Variants in NIPAL3 observed in about 807,000 individuals in gnomAD.
NIPAL3 encodes NIPA-like protein 3.
In NIPAL3, 41 loss-of-function variants were observed where a neutral mutation model predicts 47.2. That is an observed-to-expected ratio of 0.87 (90% CI 0.68 to 1.13). The LOEUF (loss-of-function observed/expected upper bound fraction) is 1.13. NIPAL3 is among the 50% of genes most tolerant of loss of function. The pLI is 0.00. For missense variants in NIPAL3, 449 were observed against 530.1 expected (o/e 0.85, Z 1.50); for synonymous variants, 194 against 209.6 (o/e 0.93, Z 0.64).
intron 5 of NIPAL3, among the ~76,000 whole-genome samples, chr1:24,446,484 G>A (rs566765244): frequency 6.7e-6 from 1 of 149,826 alleles, no homozygotes; most frequent in Non-Finnish European, 1.5e-5. Flanking sequence ...GTGTCCATGT[G>A]TTCTCATCAT....
In NIPAL3 at chr1:24,432,849, G is replaced by C. The variant is rs143065037; in HGVS notation, c.94-7323G>C. On this transcript the variant is annotated intron_variant, in intron 2 of 11. Coordinates refer to ENST00000374399, the MANE Select transcript of NIPAL3 (RefSeq NM_020448.5). The stretch of plus-strand genomic sequence containing the variant: ...CATCATCTCTAATCTTTACAACAAG[G>C]CTAGTCTGTCAGTTTCCAAAGGCTG... 5.3e-4 allele frequency among the ~76,000 whole-genome samples: 81 copies of C among 152,290 alleles called. No homozygotes were observed. The East Asian group carries it at 0.012, about 23-fold the overall frequency.
chr1:24,439,047 G>T (rs4648862), intron 2 of NIPAL3, among the ~76,000 whole-genome samples: 70,366 of 151,790 alleles, frequency 0.46, 16,909 homozygotes, highest in East Asian at 0.75. Flanking sequence ...CCAAAACGGG[G>T]AGGGGTGGGG....
In NIPAL3 at chr1:24,416,231, A is replaced by G. The variant is rs1277707381; in HGVS notation, c.-258+327A>G. On this transcript the variant is annotated intron_variant, in intron 1 of 11. Coordinates refer to ENST00000374399, the MANE Select transcript of NIPAL3 (RefSeq NM_020448.5). The surrounding 1 kb of genome is among the most constrained non-coding windows in gnomAD (Gnocchi z 4.8). ...GGCGGCAGCAGATGGTGGAGTTAGCAGGTGGGATGAGGGGAGGCGTTCTTG... is the reference window on the plus strand; with the variant it reads ...GGCGGCAGCAGATGGTGGAGTTAGCGGGTGGGATGAGGGGAGGCGTTCTTG... 2 of 985,376 alleles carry G rather than the reference A, an allele frequency of 2.0e-6. No homozygotes were observed. The highest frequency in any genetic ancestry group is 4.7e-5 in the South Asian group (1 of 21,288). The allele number at this position is 985,376 out of a possible 1,614,324, so 61.0% of individuals were successfully genotyped here.
chr1:24,433,720 A>G (rs1238240471), intron 2 of NIPAL3, among the ~76,000 whole-genome samples: 1 of 152,232 alleles, frequency 6.6e-6, no homozygotes, highest in Non-Finnish European at 1.5e-5. Context: ...TAATTTCCAA[A>G]TGAAAGGAAG....
upstream of NIPAL3, chr1:24,413,792 C>A (rs1051520596): frequency 6.6e-6 from 1 of 152,296 alleles, no homozygotes; most frequent in Non-Finnish European, 1.5e-5. Flanking sequence ...CAGCCAATGG[C>A]ATCCTCTGTT....
chr1:24,426,393 C>T (rs1164387119), intron 2 of NIPAL3, among the ~76,000 whole-genome samples: 1 of 151,878 alleles, frequency 6.6e-6, no homozygotes, highest in African/African-American at 2.4e-5. Flanking sequence ...CTTCTGGGAT[C>T]AAGTGATTCT....
upstream of NIPAL3, chr1:24,415,437 A>G (rs1217724332): frequency 6.1e-5 from 9 of 148,364 alleles, no homozygotes; most frequent in Non-Finnish European, 1.3e-4. Flanking sequence ...GGCTATGAGG[A>G]TAAGAAGGGA....
rs1646040700 is a variant in NIPAL3 at position 24,453,458 on chromosome 1, G to C, written c.591G>C (p.Lys197Asn). 6.2e-7 allele frequency: 1 copy of C among 1,613,548 alleles called. No individual in the cohort carries two copies. The highest frequency in any genetic ancestry group is 8.5e-7 in the Non-Finnish European group (1 of 1,179,876). ...FCLLLYFYKE[K>N]NANNIVVILL... Reference sequence around the variant, plus strand: ...TGCTGCTCTACTTCTACAAGGAGAAGAACGCCAACAACATTGTCGTGATTC... The same window carrying C: ...TGCTGCTCTACTTCTACAAGGAGAACAACGCCAACAACATTGTCGTGATTC... The change falls in exon 7 of 12, where the codon AAG becomes AAC. Residue 197 changes from lysine (K) to asparagine (N), a missense_variant. Coordinates refer to ENST00000374399, the MANE Select transcript of NIPAL3 (RefSeq NM_020448.5).
chr1:24,440,744 G>A (rs756473084), intron 3 of NIPAL3, among the ~76,000 whole-genome samples: 4 of 152,168 alleles, frequency 2.6e-5, no homozygotes, highest in African/African-American at 7.2e-5. Context: ...TGGTGTTACT[G>A]GCATGCAGGC....
intron 10 of NIPAL3, among the ~76,000 whole-genome samples, chr1:24,462,198 A>G (rs971302451): frequency 6.6e-6 from 1 of 152,192 alleles, no homozygotes; most frequent in East Asian, 1.9e-4. Context: ...TCATGAGAAC[A>G]GCATGGGGGT....
At chr1:24,447,763 C>T (rs1197308061) in intron 5 of NIPAL3, among the ~76,000 whole-genome samples, 1 of 152,182 alleles carries the variant, frequency 6.6e-6, no homozygotes, top group African/African-American at 2.4e-5. Flanking sequence ...CAAGCAGTGC[C>T]CTGTGTGACT....
At chr1:24,456,067 G>A in intron 7 of NIPAL3, 71 bp from the exon 8 acceptor site, 1 of 1,585,468 alleles carries the variant, frequency 6.3e-7, no homozygotes. Flanking sequence ...TGGGGTTATA[G>A]ACTGGCTTTC....
chr1:24,437,124 C>T (rs1645155547), intron 2 of NIPAL3, among the ~76,000 whole-genome samples: 2 of 151,884 alleles, frequency 1.3e-5, no homozygotes, highest in Non-Finnish European at 2.9e-5. Context: ...AGGTGGCGGG[C>T]GCCTGTAGTC....
In NIPAL3 at chr1:24,442,132, G is replaced by C. The variant is rs1367638090; in HGVS notation, c.240G>C (p.Leu80=). The change falls in exon 4 of 12, where the codon CTG becomes CTC. Residue 80 remains leucine (L), a synonymous_variant. Transcript: ENST00000374399. The part of the protein sequence containing the change: ...YFKTKTWWLG[L]FLMLLGELGV... ...AGACCAAGACATGGTGGCTGGGCCTGTTCCTGATGCTTCTGGGCGAGCTGG... is the reference window on the plus strand; with the variant it reads ...AGACCAAGACATGGTGGCTGGGCCTCTTCCTGATGCTTCTGGGCGAGCTGG... 6.2e-7 allele frequency: 1 copy of C among 1,614,210 alleles called. No homozygotes were observed. Among genetic ancestry groups the C allele is most frequent in the South Asian group, 1.1e-5 (1 of 91,082 alleles).
chr1:24,441,485 T>G (rs1254801547), intron 3 of NIPAL3, among the ~76,000 whole-genome samples: 1 of 152,120 alleles, frequency 6.6e-6, no homozygotes, highest in East Asian at 1.9e-4. Flanking sequence ...AGGTTCACAT[T>G]TCCCCCCAAA....
At chr1:24,453,224 A>G (rs1387670567) in intron 6 of NIPAL3, among the ~76,000 whole-genome samples, 184 bp from the exon 7 acceptor site, 7 of 152,152 alleles carry the variant, frequency 4.6e-5, no homozygotes, top group African/African-American at 1.7e-4. Flanking sequence ...CAGGGATTAG[A>G]GAGATTCACT....
chr1:24,459,048 G>C, intron 9 of NIPAL3, 72 bp downstream of exon 9: 1 of 1,271,660 alleles, frequency 7.9e-7, no homozygotes, highest in Non-Finnish European at 1.1e-6. Flanking sequence ...GCAGAGGGAG[G>C]CTGATTCTGC....
At chr1:24,424,949 G>A (rs576420278) in intron 2 of NIPAL3, among the ~76,000 whole-genome samples, 2 of 152,208 alleles carry the variant, frequency 1.3e-5, no homozygotes, top group Non-Finnish European at 2.9e-5. Flanking sequence ...TGGGTGGGAT[G>A]AAGTTAGGAG....
intron 10 of NIPAL3, among the ~76,000 whole-genome samples, chr1:24,460,999 C>G (rs1313448107): frequency 1.3e-5 from 2 of 152,176 alleles, no homozygotes; most frequent in Non-Finnish European, 2.9e-5. Flanking sequence ...ATACAGTATT[C>G]CATTCTAATC....
Sources: gnomAD v4.1 joint callset for allele counts (sites outside exome capture counted in the v4.1 genomes callset) on GRCh38, gnomAD v4.1.1 for gene constraint, Gnocchi (gnomAD v3.1) non-coding constraint, MANE v1.5 for transcripts, NCBI Gene and HGNC (gene_info 2026-07-23, HGNC 2026-07-21) for gene names.